KIT: variants seen among roughly 807,000 people sequenced by gnomAD.
The protein encoded by KIT is KIT proto-oncogene, receptor tyrosine kinase.
Under a neutral mutation model 105.7 loss-of-function variants are expected in KIT, and 16 were observed. The observed-to-expected ratio is 0.15, with a 90% CI of 0.10 to 0.23. The LOEUF is 0.23. Ranked by LOEUF, KIT falls within the 10% of genes least tolerant of loss-of-function variation. The pLI is 1.00. For synonymous variants in KIT, 438 were observed against 441.1 expected (o/e 0.99, Z 0.09); for missense variants, 858 against 1,213.8 (o/e 0.71, Z 4.36).
chr4:54,730,876 T>A (rs1015071582), intron 14 of KIT, among the ~76,000 whole-genome samples: 2 of 151,698 alleles, frequency 1.3e-5, no homozygotes, highest in Non-Finnish European at 2.9e-5. Flanking sequence ...ACCAACTTGA[T>A]TTTTTTTTAA....
intron 14 of KIT, among the ~76,000 whole-genome samples, chr4:54,730,130 C>A (rs1021338699): frequency 6.6e-6 from 1 of 152,170 alleles, no homozygotes; most frequent in Non-Finnish European, 1.5e-5. Flanking sequence ...GTTTGACTTA[C>A]AACCAGAAAA....
At chr4:54,719,996 G>C (rs1482558669) in intron 7 of KIT, among the ~76,000 whole-genome samples, 2 of 152,150 alleles carry the variant, frequency 1.3e-5, no homozygotes, top group Admixed American at 1.3e-4. Context: ...GGCACCTAGA[G>C]TGTGAAATAT....
In KIT at chr4:54,727,829, C is replaced by T. The variant is rs375351432; in HGVS notation, c.1781C>T (p.Thr594Ile). ...GTTGTCTTCCTTCCTACAGGGAAAA[C>T]CCTGGGTGCTGGAGCTTTCGGGAAG... Reference protein sequence around the residue: ...FPRNRLSFGKTLGAGAFGKVV... With the variant: ...FPRNRLSFGKILGAGAFGKVV... Residue 594 changes from threonine (T) to isoleucine (I), a missense_variant, in exon 12 of 21, where the codon ACC becomes ATC. Physicochemically the swap from Thr to Ile is moderately conservative, Grantham distance 89 (BLOSUM62 -1). Around this residue, in one of 7 missense-constraint regions of KIT, gnomAD observed 7 missense variants for 36.9 expected, o/e 0.19. Transcript: ENST00000288135. 17 of 1,612,442 alleles carry T rather than the reference C, an allele frequency of 1.1e-5. No homozygotes were observed. Among genetic ancestry groups the T allele is most frequent in the South Asian group, 2.2e-5 (2 of 91,014 alleles).
At chr4:54,679,684 AG>A (rs1265256277) in intron 1 of KIT, among the ~76,000 whole-genome samples, 1 of 152,210 alleles carries the variant, frequency 6.6e-6, no homozygotes, top group Non-Finnish European at 1.5e-5. Flanking sequence ...AGCATTTTTA[AG>A]AGCTAGAAAA....
chr4:54,722,723 T>G (rs1482746479), intron 7 of KIT, among the ~76,000 whole-genome samples: 1 of 151,632 alleles, frequency 6.6e-6, no homozygotes, highest in Non-Finnish European at 1.5e-5. Flanking sequence ...TTAGAAATTC[T>G]TGAGTGTTAG....
intron 3 of KIT, 99 bp from the exon 4 acceptor site, chr4:54,699,531 A>G (rs1720310885): frequency 7.4e-7 from 1 of 1,342,816 alleles, no homozygotes; most frequent in Non-Finnish European, 1.1e-6. Flanking sequence ...TATTTAAAAG[A>G]TGACAAAGTA....
intron 1 of KIT, among the ~76,000 whole-genome samples, chr4:54,692,162 G>A (rs530282809): frequency 1.1e-4 from 16 of 152,300 alleles, no homozygotes; most frequent in Admixed American, 1.0e-3. Context: ...ACTTGCCTCA[G>A]GGTTACACAC....
intron 20 of KIT, 92 bp downstream of exon 20, chr4:54,737,372 C>A: frequency 1.2e-6 from 1 of 849,228 alleles, no homozygotes; most frequent in South Asian, 1.4e-5. Context: ...ACTAACCTCC[C>A]AACCCCTTCT....
intron 7 of KIT, among the ~76,000 whole-genome samples, chr4:54,718,864 T>A (rs891992465): frequency 2.6e-5 from 4 of 152,334 alleles, no homozygotes; most frequent in African/African-American, 7.2e-5. Context: ...GTCCAAAATA[T>A]CTATCCTGGG....
intron 20 of KIT, 43 bp from the exon 21 acceptor site, chr4:54,738,386 G>A (rs201079680): frequency 1.7e-5 from 27 of 1,611,204 alleles, no homozygotes; most frequent in South Asian, 5.5e-5. Flanking sequence ...TGCTATGTTC[G>A]TTGTAGGGAC....
chr4:54,723,826 A>C, intron 8 of KIT, 128 bp downstream of exon 8: 1 of 718,000 alleles, frequency 1.4e-6, no homozygotes, highest in South Asian at 1.6e-5. Context: ...TTTTCTAGCC[A>C]TGTGGCTTTT....
chr4:54,722,857 AT>A (rs1721971852), intron 7 of KIT, among the ~76,000 whole-genome samples: 1 of 134,734 alleles, frequency 7.4e-6, no homozygotes, highest in African/African-American at 3.3e-5. Flanking sequence ...ATATATTTTT[AT>A]ATATATGTAT....
chr4:54,710,608 A>ATGG (rs35873595), intron 7 of KIT, among the ~76,000 whole-genome samples: 3 of 360 alleles, frequency 8.3e-3, no homozygotes, highest in East Asian at 0.2. Context: ...GTGCAGTGAC[A>ATGG]TCTCGATTCA....
intron 13 of KIT, among the ~76,000 whole-genome samples, chr4:54,728,576 T>G (rs1722386650): frequency 6.6e-6 from 1 of 152,330 alleles, no homozygotes; most frequent in African/African-American, 2.4e-5. Flanking sequence ...ATTTGAAGCC[T>G]TAGTTGAAGT....
chr4:54,675,118 T>C (rs965159406), intron 1 of KIT, among the ~76,000 whole-genome samples: 1 of 152,194 alleles, frequency 6.6e-6, no homozygotes, highest in Non-Finnish European at 1.5e-5. Flanking sequence ...CTAAATTTCC[T>C]TCCTCCAACC....
At chr4:54,690,378 C>T (rs1719624947) in intron 1 of KIT, among the ~76,000 whole-genome samples, 1 of 152,208 alleles carries the variant, frequency 6.6e-6, no homozygotes, top group Non-Finnish European at 1.5e-5. Flanking sequence ...TAAGTGTCCG[C>T]TTCCTCCTCT....
chr4:54,705,161 G>A (rs1720710787), intron 5 of KIT, among the ~76,000 whole-genome samples: 1 of 152,204 alleles, frequency 6.6e-6, no homozygotes, highest in African/African-American at 2.4e-5. Flanking sequence ...GCTCCAGAAA[G>A]CAATTAGTAA....
chr4:54,715,906 T>A (rs1180262955), intron 7 of KIT, among the ~76,000 whole-genome samples: 1 of 152,130 alleles, frequency 6.6e-6, no homozygotes, highest in Non-Finnish European at 1.5e-5. Context: ...TCAGATTTGG[T>A]CCTTAAGGCC....
chr4:54,719,576 T>TC (rs1341841867), intron 7 of KIT, among the ~76,000 whole-genome samples: 1 of 151,750 alleles, frequency 6.6e-6, no homozygotes, highest in Non-Finnish European at 1.5e-5. Context: ...GGCTATTTTT[T>TC]TTTATCTCCA....
Sources: allele counts gnomAD v4.1 joint callset (sites outside exome capture counted in the v4.1 genomes callset), GRCh38; gene constraint gnomAD v4.1.1; regional missense constraint gnomAD v4.1.1; transcripts MANE v1.5; gene names NCBI Gene and HGNC (gene_info 2026-07-23, HGNC 2026-07-21).